Variants in RGS13 observed in about 807,000 individuals in gnomAD.
RGS13 encodes the protein regulator of G protein signaling 13.
RGS13 carries 14 observed loss-of-function variants against 19.9 expected under a neutral mutation model. That is an observed-to-expected ratio of 0.70 (90% CI 0.46 to 1.10). The LOEUF is 1.10. Among genes scored for constraint, RGS13 ranks in the 50% least tolerant of loss-of-function variants. RGS13 has a pLI of 0.00. For missense variants in RGS13, 205 were observed against 187.1 expected, an observed-to-expected ratio of 1.10 and a Z score of -0.56; for synonymous variants, 60 against 56.8, an observed-to-expected ratio of 1.06 and a Z score of -0.25.
At position 192,659,376 on chromosome 1, in the gene RGS13, G is replaced by A. The variant is rs1663569861; in HGVS notation, c.333G>A (p.Arg111=). ...IDSSTRETII[R]NIQEPTETCF... ...GTTCGACAAGAGAGACTATCATCAGGAACATTCAGGAACCCACTGAAACAT... is the reference window on the plus strand; with the variant it reads ...GTTCGACAAGAGAGACTATCATCAGAAACATTCAGGAACCCACTGAAACAT... The change falls in exon 7 of 7, where the codon AGG becomes AGA. Residue 111 remains arginine, a synonymous_variant. Coordinates refer to ENST00000391995, the MANE Select transcript of RGS13 (RefSeq NM_002927.5). The A allele has an allele frequency of 3.7e-6, 6 of 1,612,684 alleles. No individual in the cohort carries two copies. The highest frequency in any genetic ancestry group is 4.2e-6 in the Non-Finnish European group (5 of 1,179,284).
chr1:192,652,558 GA>G (rs559505760), intron 5 of RGS13, among the ~76,000 whole-genome samples: 210 of 151,670 alleles, frequency 1.4e-3, no homozygotes, highest in Non-Finnish European at 2.2e-3. Context: ...TGCAAAGGGG[GA>G]AAAAAACCTC....
At chr1:192,656,589 CTA>C (rs1175430999) in intron 5 of RGS13, among the ~76,000 whole-genome samples, 2 of 151,992 alleles carry the variant, frequency 1.3e-5, no homozygotes, top group Admixed American at 1.3e-4. Context: ...ATATCATTTT[CTA>C]TGTTACATTT....
At chr1:192,648,141 T>G (rs987087725) in intron 5 of RGS13, among the ~76,000 whole-genome samples, 154 bp downstream of exon 5, 1 of 152,188 alleles carries the variant, frequency 6.6e-6, no homozygotes, top group Non-Finnish European at 1.5e-5. Flanking sequence ...GAAAATAGTT[T>G]GTTATGTCAA....
In RGS13 at chr1:192,659,536, A is replaced by G; in HGVS notation, c.*13A>G. The stretch of plus-strand genomic sequence containing the variant: ...CAACAGTTTCTGACTACAACTCAAA[A>G]GTTTAAATAGAAAACAGTATATTGA... On this transcript the variant is annotated 3_prime_UTR_variant, in exon 7 of 7. Coordinates refer to ENST00000391995, the MANE Select transcript of RGS13 (RefSeq NM_002927.5). 1 of 1,582,596 alleles carries G rather than the reference A, an allele frequency of 6.3e-7. No individual in the cohort carries two copies.
intron 5 of RGS13, among the ~76,000 whole-genome samples, chr1:192,657,386 C>T (rs1056997742): frequency 2.0e-5 from 3 of 152,062 alleles, no homozygotes; most frequent in Non-Finnish European, 2.9e-5. Flanking sequence ...TGAGAGCTCA[C>T]CTAATCCTCT....
At chr1:192,646,727 C>T (rs2102032842) in intron 4 of RGS13, 1 of 152,240 alleles carries the variant, frequency 6.6e-6, no homozygotes, top group South Asian at 2.1e-4. Context: ...ATTCAGTTCC[C>T]ACTTATAAGT....
intron 5 of RGS13, among the ~76,000 whole-genome samples, chr1:192,656,695 G>C (rs1354419721): frequency 6.6e-6 from 1 of 151,960 alleles, no homozygotes; most frequent in Non-Finnish European, 1.5e-5. Context: ...GGCTGCATTT[G>C]CTCACGTGAT....
intron 3 of RGS13, among the ~76,000 whole-genome samples, chr1:192,640,000 A>C (rs769399020): frequency 3.9e-5 from 6 of 152,166 alleles, no homozygotes; most frequent in Non-Finnish European, 5.9e-5. Flanking sequence ...AGAAATCACC[A>C]CAATAAAAGG....
intron 4 of RGS13, chr1:192,644,648 T>C: frequency 6.0e-6 from 2 of 332,528 alleles, no homozygotes; most frequent in South Asian, 9.9e-5. Flanking sequence ...TCTCTGTTCT[T>C]TTTAAAAAAC....
In RGS13 at chr1:192,651,694, T is replaced by C. The variant is rs146079145; in HGVS notation, c.127+3707T>C. On this transcript the variant is annotated intron_variant, in intron 5 of 6. Coordinates refer to ENST00000391995, the MANE Select transcript of RGS13 (RefSeq NM_002927.5). ...GGACACTTGCCCCTCAGGAGAGAAG[T>C]TATAAAGGAGGAATACAGATGGAAG... 6.9e-3 allele frequency among the ~76,000 whole-genome samples: 1,041 copies of C among 151,868 alleles called. 6 individuals are homozygous for C. Among genetic ancestry groups the C allele is most frequent in the Non-Finnish European group, 9.6e-3 (653 of 67,874 alleles).
chr1:192,659,320 T>A lies in RGS13; in HGVS notation c.295-18T>A. On this transcript the variant is annotated intron_variant, in intron 6 of 6. Coordinates refer to ENST00000391995, the MANE Select transcript of RGS13 (RefSeq NM_002927.5). ...AACTATGCTAACTTAATGCTGTACA[T>A]GTAATTTCACTTTTCAGATTAACAT... is the stretch of plus-strand genomic sequence containing the variant. 6.3e-7 allele frequency: 1 copy of A among 1,598,342 alleles called. No individual in the cohort carries two copies. The highest frequency in any genetic ancestry group is 8.5e-7 in the Non-Finnish European group (1 of 1,170,640).
chr1:192,637,437 G>A (rs181636036), intron 1 of RGS13, among the ~76,000 whole-genome samples, 153 bp from the exon 2 acceptor site: 135 of 152,004 alleles, frequency 8.9e-4, no homozygotes, highest in Non-Finnish European at 1.5e-3. Context: ...AAATAAAAAT[G>A]GGAATAACCA....
At chr1:192,655,383 TC>T (rs1663420034) in intron 5 of RGS13, among the ~76,000 whole-genome samples, 1 of 152,136 alleles carries the variant, frequency 6.6e-6, no homozygotes, top group African/African-American at 2.4e-5. Context: ...AAGGTTCACT[TC>T]TTTTTCATGA....
At position 192,659,362 on chromosome 1, in the gene RGS13, G is replaced by C; in HGVS notation, c.319G>C (p.Glu107Gln). 1 of 1,612,264 alleles carries C rather than the reference G, an allele frequency of 6.2e-7. No homozygotes were observed. Among genetic ancestry groups the C allele is most frequent in the Non-Finnish European group, 8.5e-7 (1 of 1,179,170 alleles). The part of the protein sequence containing the change: ...REINIDSSTR[E>Q]TIIRNIQEPT... ...GATTAACATTGACAGTTCGACAAGA[G>C]AGACTATCATCAGGAACATTCAGGA... is the stretch of plus-strand genomic sequence containing the variant. The change falls in exon 7 of 7, where the codon GAG becomes CAG. Residue 107 changes from glutamate to glutamine, a missense_variant. Glu to Gln is a conservative substitution (Grantham distance 29). Transcript: ENST00000391995.
intron 5 of RGS13, among the ~76,000 whole-genome samples, chr1:192,655,371 T>C (rs911683983): frequency 6.6e-6 from 1 of 152,122 alleles, no homozygotes; most frequent in African/African-American, 2.4e-5. Flanking sequence ...TTTACATTAA[T>C]AAAGGTTCAC....
chr1:192,637,006 A>G (rs914128923), intron 1 of RGS13, among the ~76,000 whole-genome samples: 1 of 152,002 alleles, frequency 6.6e-6, no homozygotes, highest in Admixed American at 6.6e-5. Context: ...TTGCTTTAAG[A>G]AAATTTATTT....
At chr1:192,641,885 T>C (rs1663128503) in intron 3 of RGS13, among the ~76,000 whole-genome samples, 1 of 152,118 alleles carries the variant, frequency 6.6e-6, no homozygotes, top group African/African-American at 2.4e-5. Flanking sequence ...CTGTCTCACC[T>C]TACATATCCA....
At chr1:192,658,564 G>A (rs1293395853) in intron 6 of RGS13, 197 bp downstream of exon 6, 3 of 450,502 alleles carry the variant, frequency 6.7e-6, no homozygotes, top group African/African-American at 6.0e-5. Context: ...CAGCCATTAA[G>A]TGGTAAAGTT....
chr1:192,646,692 C>T (rs1419247475), intron 4 of RGS13: 3 of 152,054 alleles, frequency 2.0e-5, no homozygotes, highest in African/African-American at 7.2e-5. Context: ...TGTTGTTCTC[C>T]CCAATGTGTC....
Sources: allele counts gnomAD v4.1 joint callset (sites outside exome capture counted in the v4.1 genomes callset), GRCh38; gene constraint gnomAD v4.1.1; transcripts MANE v1.5; gene names NCBI Gene and HGNC (gene_info 2026-07-23, HGNC 2026-07-21).